The following MARCHF1 variants were observed in gnomAD, a reference collection of about 807,000 sequenced individuals.
MARCHF1 encodes the protein membrane associated ring-CH-type finger 1, also known as E3 ubiquitin-protein ligase MARCHF1.
Under a neutral mutation model 54.2 loss-of-function variants are expected in MARCHF1, and 40 were observed. That is an observed-to-expected ratio of 0.74 (90% CI 0.57 to 0.96). The LOEUF (loss-of-function observed/expected upper bound fraction) is 0.96, where lower values mean the gene tolerates loss of function less well. Among genes scored for constraint, MARCHF1 ranks in the 40% least tolerant of loss-of-function variants. MARCHF1 has a pLI of 0.00. For missense variants in MARCHF1, 586 were observed against 656.5 expected, an observed-to-expected ratio of 0.89 and a Z score of 1.17; for synonymous variants, 236 against 236.3, an observed-to-expected ratio of 1.00 and a Z score of 0.01.
intron 2 of MARCHF1, among the ~76,000 whole-genome samples, chr4:164,075,141 A>G (rs1423716285): frequency 6.6e-6 from 1 of 152,214 alleles, no homozygotes. Flanking sequence ...ATCTATACTA[A>G]AGAAAACAGC....
intron 5 of MARCHF1, among the ~76,000 whole-genome samples, chr4:163,630,769 CA>C (rs1455213230): frequency 1.4e-5 from 2 of 144,852 alleles, no homozygotes; most frequent in Non-Finnish European, 3.0e-5. Flanking sequence ...ATTAGAAGAA[CA>C]AAAGAAAAAG....
chr4:163,737,191 AGTTT>A (rs1245228770), intron 4 of MARCHF1, among the ~76,000 whole-genome samples: 1 of 41,778 alleles, frequency 2.4e-5, no homozygotes, highest in South Asian at 7.3e-4. Context: ...TTCACATATT[AGTTT>A]ATTTATTTAT....
intron 9 of MARCHF1, among the ~76,000 whole-genome samples, chr4:163,532,699 T>G (rs1438178999): frequency 1.3e-5 from 2 of 151,946 alleles, no homozygotes; most frequent in Non-Finnish European, 1.5e-5. Flanking sequence ...GAAAATAACC[T>G]AATTACAAAA....
chr4:163,919,332 AAC>A (rs1310365819), intron 3 of MARCHF1, among the ~76,000 whole-genome samples: 5 of 152,220 alleles, frequency 3.3e-5, no homozygotes, highest in Admixed American at 6.5e-5. Context: ...AAAGATTAAT[AAC>A]ACAACAGGAA....
At chr4:163,645,448 G>A (rs1433083391) in intron 5 of MARCHF1, among the ~76,000 whole-genome samples, 1 of 152,158 alleles carries the variant, frequency 6.6e-6, no homozygotes, top group Admixed American at 6.5e-5. Flanking sequence ...CAGCAAACGA[G>A]TCTATGGATA....
chr4:164,058,514 T>C (rs1228333086), intron 2 of MARCHF1, among the ~76,000 whole-genome samples: 1 of 152,226 alleles, frequency 6.6e-6, no homozygotes, highest in Non-Finnish European at 1.5e-5. Flanking sequence ...AGGCATTGTC[T>C]GTGCCTGCCA....
intron 1 of MARCHF1, among the ~76,000 whole-genome samples, chr4:164,265,152 T>C (rs1414686505): frequency 6.6e-6 from 1 of 152,122 alleles, no homozygotes; most frequent in Non-Finnish European, 1.5e-5. Flanking sequence ...AAGTATAAAT[T>C]TGTGATTTTG....
At chr4:163,974,597 G>A (rs1362895242) in intron 3 of MARCHF1, among the ~76,000 whole-genome samples, 1 of 152,170 alleles carries the variant, frequency 6.6e-6, no homozygotes, top group Non-Finnish European at 1.5e-5. Context: ...CATAAGCATA[G>A]GAGTATTTGT....
chr4:163,969,679 TAC>T (rs1266815721), intron 3 of MARCHF1, among the ~76,000 whole-genome samples: 1 of 152,222 alleles, frequency 6.6e-6, no homozygotes, highest in African/African-American at 2.4e-5. Context: ...AAATATATGC[TAC>T]ACGCAACATG....
intron 2 of MARCHF1, among the ~76,000 whole-genome samples, chr4:163,997,923 AATACACACACACAC>A (rs1423198931): frequency 4.5e-5 from 5 of 110,744 alleles, no homozygotes; most frequent in Non-Finnish European, 9.7e-5. Context: ...AATTGCCTTA[AATACACACACACAC>A]ACACACACAC....
At chr4:164,360,974 A>G (rs1039226719) in intron 1 of MARCHF1, among the ~76,000 whole-genome samples, 3 of 149,024 alleles carry the variant, frequency 2.0e-5, no homozygotes, top group Admixed American at 6.7e-5. Flanking sequence ...GAATTTTAAA[A>G]TTACATACAC....
chr4:163,788,060 A>G (rs1315646303), intron 4 of MARCHF1, among the ~76,000 whole-genome samples: 1 of 151,924 alleles, frequency 6.6e-6, no homozygotes, highest in Non-Finnish European at 1.5e-5. Flanking sequence ...TTGTCAATGG[A>G]TAGGGGAAGG....
At chr4:163,550,722 G>C (rs1560936672) in intron 8 of MARCHF1, among the ~76,000 whole-genome samples, 1 of 152,174 alleles carries the variant, frequency 6.6e-6, no homozygotes, top group Non-Finnish European at 1.5e-5. Context: ...AGTAAGATAT[G>C]TTGTGCTGGA....
At chr4:163,632,209 C>T (rs1278460874) in intron 5 of MARCHF1, among the ~76,000 whole-genome samples, 1 of 152,160 alleles carries the variant, frequency 6.6e-6, no homozygotes, top group Middle Eastern at 3.2e-3. Context: ...TATTTGTCCA[C>T]TCCAAATCTC....
In MARCHF1 at chr4:164,090,277, A is replaced by C. The variant is rs145870815; in HGVS notation, c.-248+21311T>G. ...AGAACTCTCAAGTGATATTGATATA[A>C]GCATAAAGGGATTCAAACTATTTGG... is the stretch of plus-strand genomic sequence containing the variant. On this transcript the variant is annotated intron_variant, in intron 2 of 9. Transcript: ENST00000514618. Among the ~76,000 whole-genome samples the C allele has an allele frequency of 2.5e-3, 381 of 152,198 alleles. 3 individuals carry two copies. The highest frequency in any genetic ancestry group is 8.5e-3 in the African/African-American group (353 of 41,576).
intron 5 of MARCHF1, among the ~76,000 whole-genome samples, chr4:163,685,874 T>C (rs1000151376): frequency 2.0e-5 from 3 of 152,214 alleles, no homozygotes; most frequent in African/African-American, 7.2e-5. Context: ...GAGAGGATTA[T>C]GGAGGTGGTT....
intron 4 of MARCHF1, among the ~76,000 whole-genome samples, chr4:163,758,450 T>C (rs1281943345): frequency 6.6e-6 from 1 of 152,164 alleles, no homozygotes; most frequent in African/African-American, 2.4e-5. Context: ...TCGTATGTGA[T>C]ATTTTATTTA....
intron 7 of MARCHF1, among the ~76,000 whole-genome samples, chr4:163,611,502 G>A (rs1741339159): frequency 6.6e-6 from 1 of 152,032 alleles, no homozygotes. Context: ...CAGCTTAAAT[G>A]ATTAGGTATA....
At chr4:163,611,756 G>A (rs951619684) in intron 7 of MARCHF1, among the ~76,000 whole-genome samples, 8 of 151,982 alleles carry the variant, frequency 5.3e-5, no homozygotes, top group Admixed American at 2.6e-4. Flanking sequence ...CCACTGATAC[G>A]TCCCTGACCT....
Sources: allele counts gnomAD v4.1 joint callset (sites outside exome capture counted in the v4.1 genomes callset), GRCh38; gene constraint gnomAD v4.1.1; transcripts MANE v1.5; gene names NCBI Gene and HGNC (gene_info 2026-07-23, HGNC 2026-07-21).